PAK5: variants seen among roughly 807,000 people sequenced by gnomAD.
PAK5 encodes the protein serine/threonine-protein kinase PAK 5.
PAK5 carries 16 observed loss-of-function variants against 65.9 expected under a neutral mutation model. That is an observed-to-expected ratio of 0.24 (90% confidence interval 0.16 to 0.37). The LOEUF is 0.37. Ranked by LOEUF, PAK5 falls within the 10% of genes least tolerant of loss-of-function variation. The pLI, the probability that PAK5 is intolerant of heterozygous loss-of-function variation, is 1.00. For missense variants in PAK5, 785 were observed against 903.9 expected, an observed-to-expected ratio of 0.87 and a Z score of 1.69; for synonymous variants, 371 against 354.9, an observed-to-expected ratio of 1.05 and a Z score of -0.51.
intron 1 of PAK5, among the ~76,000 whole-genome samples, chr20:9,766,415 A>ATATTCTACT (rs1569079196): frequency 2.5e-4 from 5 of 19,932 alleles, no homozygotes; most frequent in Non-Finnish European, 3.3e-4. Context: ...CAGAATATAT[A>ATATTCTACT]TGTATATATA....
At chr20:9,584,523 G>C (rs56151839) in intron 3 of PAK5, among the ~76,000 whole-genome samples, 23,312 of 152,016 alleles carry the variant, frequency 0.15, 2,588 homozygotes, top group African/African-American at 0.31. Context: ...ATGTTGGTCA[G>C]GCTGGTCTCA....
intron 2 of PAK5, among the ~76,000 whole-genome samples, chr20:9,683,908 T>C (rs909127604): frequency 6.6e-6 from 1 of 152,132 alleles, no homozygotes; most frequent in African/African-American, 2.4e-5. Flanking sequence ...GTGCATTTAC[T>C]TGACTTCTTG....
intron 3 of PAK5, among the ~76,000 whole-genome samples, chr20:9,587,550 G>C (rs1299750501): frequency 2.0e-5 from 3 of 152,178 alleles, no homozygotes; most frequent in African/African-American, 7.2e-5. Flanking sequence ...AATTTTGATA[G>C]TGGCTGTCAT....
chr20:9,780,619 T>C (rs1186827765), intron 1 of PAK5, among the ~76,000 whole-genome samples: 1 of 152,024 alleles, frequency 6.6e-6, no homozygotes, highest in African/African-American at 2.4e-5. Context: ...CATAGAAATA[T>C]ATATATAAAT....
chr20:9,652,928 C>T (rs1392333313), intron 2 of PAK5, among the ~76,000 whole-genome samples: 1 of 152,154 alleles, frequency 6.6e-6, no homozygotes, highest in Non-Finnish European at 1.5e-5. Context: ...CTTATCTAAG[C>T]TTTCTGATTC....
At position 9,624,997 on chromosome 20, in the gene PAK5, C is replaced by A. The variant is rs528874306; in HGVS notation, c.204+19128G>T. Among the ~76,000 whole-genome samples the A allele has an allele frequency of 2.6e-5, 4 of 152,216 alleles. No individual in the cohort carries two copies. In the South Asian group the frequency reaches 8.3e-4, roughly 32 times the overall value. On this transcript the variant is annotated intron_variant, in intron 3 of 9. Transcript: ENST00000353224. ...TTTATAACTGGGCATAAAATAGATG[C>A]GGGCCATTTACATCTACAAGTAGCC...
chr20:9,691,143 C>T (rs537399530), intron 2 of PAK5, among the ~76,000 whole-genome samples: 13 of 152,260 alleles, frequency 8.5e-5, no homozygotes, highest in Admixed American at 6.5e-4. Flanking sequence ...CATCTGTGCA[C>T]CTTGCAGCTG....
chr20:9,810,450 T>C (rs1288789781), intron 1 of PAK5, among the ~76,000 whole-genome samples: 1 of 152,038 alleles, frequency 6.6e-6, no homozygotes, highest in Non-Finnish European at 1.5e-5. Context: ...GCACCTGACG[T>C]GGGAGGATCC....
At chr20:9,709,157 CAA>C (rs1309689188) in intron 2 of PAK5, among the ~76,000 whole-genome samples, 2 of 152,302 alleles carry the variant, frequency 1.3e-5, no homozygotes, top group Admixed American at 1.3e-4. Flanking sequence ...TCCAGCTAAT[CAA>C]AGAGTTTTAT....
At chr20:9,712,323 A>T (rs932042204) in intron 1 of PAK5, among the ~76,000 whole-genome samples, 2 of 152,188 alleles carry the variant, frequency 1.3e-5, no homozygotes, top group Non-Finnish European at 2.9e-5. Context: ...TATCCTTGCC[A>T]TTTAAATGAT....
At chr20:9,710,604 CGTGGGGGGTAGTACCCATGT>C (rs927826740) in intron 2 of PAK5, among the ~76,000 whole-genome samples, 6 of 152,126 alleles carry the variant, frequency 3.9e-5, no homozygotes, top group African/African-American at 1.4e-4. Flanking sequence ...GAGCACCCTG[CGTGGGGGGTAGTACCCATGT>C]GTGGGGGGTA....
intron 1 of PAK5, among the ~76,000 whole-genome samples, chr20:9,819,149 T>G (rs7266618): frequency 6.6e-6 from 1 of 152,128 alleles, no homozygotes; most frequent in South Asian, 2.1e-4. Context: ...CACTATAAGT[T>G]CATTTCCCTG....
intron 1 of PAK5, among the ~76,000 whole-genome samples, chr20:9,795,265 A>G (rs1369051289): frequency 5.3e-5 from 8 of 152,146 alleles, no homozygotes; most frequent in Non-Finnish European, 1.5e-5. Flanking sequence ...ACATATTTTA[A>G]TAATTGCATC....
intron 1 of PAK5, among the ~76,000 whole-genome samples, chr20:9,805,613 C>A (rs898611499): frequency 2.6e-5 from 4 of 152,040 alleles, no homozygotes; most frequent in African/African-American, 9.7e-5. Flanking sequence ...GTGAAAGAAG[C>A]CAGTCACAAA....
At chr20:9,567,390 C>A (rs1171790915) in intron 4 of PAK5, among the ~76,000 whole-genome samples, 1 of 152,138 alleles carries the variant, frequency 6.6e-6, no homozygotes, top group East Asian at 1.9e-4. Context: ...ACCCCAAGGA[C>A]CTAGATCTAT....
intron 2 of PAK5, among the ~76,000 whole-genome samples, chr20:9,705,638 C>T (rs1025660721): frequency 4.6e-5 from 7 of 152,132 alleles, no homozygotes; most frequent in Middle Eastern, 3.4e-3. Context: ...CTAGGCAAAC[C>T]GAGATGGTTG....
intron 1 of PAK5, among the ~76,000 whole-genome samples, chr20:9,755,873 C>T (rs2048627842): frequency 6.6e-6 from 1 of 152,172 alleles, no homozygotes; most frequent in Non-Finnish European, 1.5e-5. Flanking sequence ...CAACCCATTG[C>T]AGAAACCTGT....
At chr20:9,751,353 A>G (rs775747814) in intron 1 of PAK5, among the ~76,000 whole-genome samples, 7 of 152,116 alleles carry the variant, frequency 4.6e-5, no homozygotes, top group Non-Finnish European at 1.0e-4. Context: ...ATTAACAATC[A>G]CAAAGATTCC....
intron 1 of PAK5, among the ~76,000 whole-genome samples, chr20:9,755,730 A>G (rs1569074758): frequency 6.6e-6 from 1 of 152,192 alleles, no homozygotes. Flanking sequence ...CAAAGCAAGA[A>G]TCCAAATCAA....
Sources: gnomAD v4.1 joint callset for allele counts (sites outside exome capture counted in the v4.1 genomes callset) on GRCh38, gnomAD v4.1.1 for gene constraint, MANE v1.5 for transcripts, NCBI Gene and HGNC (gene_info 2026-07-23, HGNC 2026-07-21) for gene names.